Variants in PPARGC1A observed in about 807,000 individuals in gnomAD.
The protein encoded by PPARGC1A is peroxisome proliferator-activated receptor gamma coactivator 1-alpha.
In PPARGC1A, 25 loss-of-function variants were observed where a neutral mutation model predicts 88.7. The ratio of observed to expected loss-of-function variants is 0.28; its 90% confidence interval spans 0.21 to 0.39. The LOEUF (loss-of-function observed/expected upper bound fraction) is 0.39. Among genes scored for constraint, PPARGC1A ranks in the 10% least tolerant of loss-of-function variants. The pLI is 1.00. For missense variants in PPARGC1A, 880 were observed against 968.7 expected, an observed-to-expected ratio of 0.91 and a Z score of 1.22; for synonymous variants, 363 against 355.6, an observed-to-expected ratio of 1.02 and a Z score of -0.24.
the PPARGC1A span, among the ~76,000 whole-genome samples, chr4:24,020,635 G>A: frequency 6.6e-6 from 1 of 152,122 alleles, no homozygotes; most frequent in South Asian, 2.1e-4. Flanking sequence ...GTGAGTAAAA[G>A]GCAGTGATTT....
At chr4:23,814,626 A>C in intron 7 of PPARGC1A, 21 bp from the exon 8 acceptor site, 3 of 1,482,884 alleles carry the variant, frequency 2.0e-6, no homozygotes, top group Non-Finnish European at 1.8e-6. Flanking sequence ...AATTAAAAAA[A>C]AAAAAAAAAA....
the PPARGC1A span, among the ~76,000 whole-genome samples, chr4:24,194,612 ACGCGCG>A: frequency 2.1e-4 from 12 of 56,640 alleles, 1 homozygote; most frequent in South Asian, 5.4e-4. Context: ...GCTGGCACAC[ACGCGCG>A]CGCACGCGCG....
At chr4:23,901,297 G>A (rs527375694), upstream of PPARGC1A, among the ~76,000 whole-genome samples, 1 of 151,694 alleles carries the variant, frequency 6.6e-6, no homozygotes, top group East Asian at 2.0e-4. Flanking sequence ...GTGAACCCGG[G>A]AGGCGGAGCT....
At chr4:24,031,993 C>T in the PPARGC1A span, among the ~76,000 whole-genome samples, 2 of 152,186 alleles carry the variant, frequency 1.3e-5, no homozygotes, top group African/African-American at 4.8e-5. Flanking sequence ...AGGCCTCTTG[C>T]CTCCTGTAAC....
chr4:24,269,605 A>G, the PPARGC1A span, among the ~76,000 whole-genome samples: 1 of 152,152 alleles, frequency 6.6e-6, no homozygotes, highest in Non-Finnish European at 1.5e-5. Context: ...ATAAAAGTAT[A>G]TTACTTAGCA....
the PPARGC1A span, among the ~76,000 whole-genome samples, chr4:24,370,895 T>C: frequency 2.6e-5 from 4 of 151,800 alleles, no homozygotes; most frequent in African/African-American, 9.7e-5. Context: ...AAGCCCCGTA[T>C]GCATTAGTTA....
At chr4:24,114,124 A>AC in the PPARGC1A span, among the ~76,000 whole-genome samples, 1 of 51,088 alleles carries the variant, frequency 2.0e-5, no homozygotes, top group Admixed American at 3.2e-4. Context: ...ACTCCATCAC[A>AC]AAAAAAAAAA....
the PPARGC1A span, among the ~76,000 whole-genome samples, chr4:24,058,071 C>T: frequency 3.9e-5 from 6 of 152,326 alleles, no homozygotes; most frequent in South Asian, 1.2e-3. Flanking sequence ...AGACAGCGAA[C>T]TCTTGTACTT....
At chr4:23,799,264 T>TG (rs1718204979) in intron 12 of PPARGC1A, among the ~76,000 whole-genome samples, 1 of 150,772 alleles carries the variant, frequency 6.6e-6, no homozygotes, top group Non-Finnish European at 1.5e-5. Flanking sequence ...CTAGAGTCGA[T>TG]TCTTCCATTT....
chr4:24,472,663 TGCCGCCGCC>T, the PPARGC1A span, among the ~76,000 whole-genome samples: 22 of 151,606 alleles, frequency 1.5e-4, no homozygotes, highest in Non-Finnish European at 1.3e-4. This position sits in a 1 kb window ranked among gnomAD's most constrained non-coding sequence, Gnocchi z 4.5. Flanking sequence ...ATGCTCGGGC[TGCCGCCGCC>T]GCCGCCGCCG....
intron 10 of PPARGC1A, among the ~76,000 whole-genome samples, chr4:23,802,730 TAC>T (rs1719039811): frequency 7.1e-6 from 1 of 139,968 alleles, no homozygotes; most frequent in Non-Finnish European, 1.6e-5. Flanking sequence ...TTCATAAATG[TAC>T]AATCATGCAT....
intron 5 of PPARGC1A, 78 bp from the exon 6 acceptor site, chr4:23,824,586 TG>T: frequency 8.0e-7 from 1 of 1,256,930 alleles, no homozygotes; most frequent in Non-Finnish European, 1.1e-6. Context: ...ACAGTCAAGT[TG>T]GAAAAACAAC....
At chr4:24,047,922 C>T in the PPARGC1A span, among the ~76,000 whole-genome samples, 2 of 152,180 alleles carry the variant, frequency 1.3e-5, no homozygotes, top group African/African-American at 2.4e-5. Flanking sequence ...TTCTTTCTAA[C>T]TCTTTACACT....
At chr4:23,800,448 T>TA (rs1460021096) in intron 12 of PPARGC1A, among the ~76,000 whole-genome samples, 2 of 152,018 alleles carry the variant, frequency 1.3e-5, no homozygotes, top group South Asian at 4.1e-4. Context: ...TGTTTGGCTA[T>TA]AATGTAATGA....
chr4:23,812,737 G>A lies in PPARGC1A; in HGVS notation c.2019+10C>T. The A allele has an allele frequency of 6.2e-7, 1 of 1,613,814 alleles. No homozygotes were observed. The highest frequency in any genetic ancestry group is 8.5e-7 in the Non-Finnish European group (1 of 1,179,890). Reference sequence around the variant, plus strand: ...TACTTTAAAATAAAAGTGAGCTCCAGGCCACTTACAATTGCCTTCTGCCTC... The same window carrying A: ...TACTTTAAAATAAAAGTGAGCTCCAAGCCACTTACAATTGCCTTCTGCCTC... On this transcript the variant is annotated intron_variant, in intron 10 of 12. Coordinates refer to ENST00000264867, the MANE Select transcript of PPARGC1A (RefSeq NM_013261.5).
At chr4:24,127,769 T>C in the PPARGC1A span, among the ~76,000 whole-genome samples, 2 of 152,004 alleles carry the variant, frequency 1.3e-5, no homozygotes, top group Admixed American at 1.3e-4. Flanking sequence ...CTCACAGATA[T>C]GTGTGGAAGA....
the PPARGC1A span, among the ~76,000 whole-genome samples, chr4:24,135,794 A>G: frequency 1.3e-5 from 2 of 152,180 alleles, no homozygotes; most frequent in Non-Finnish European, 2.9e-5. Flanking sequence ...TGCACACAAC[A>G]TGGTGCAGTT....
chr4:23,993,341 A>G, the PPARGC1A span, among the ~76,000 whole-genome samples: 3 of 152,166 alleles, frequency 2.0e-5, no homozygotes, highest in Non-Finnish European at 4.4e-5. Flanking sequence ...TAATGTATAG[A>G]GAAGATGACA....
chr4:24,436,003 G>C, the PPARGC1A span, among the ~76,000 whole-genome samples: 1 of 152,200 alleles, frequency 6.6e-6, no homozygotes, highest in East Asian at 1.9e-4. Flanking sequence ...AGTAGCATGG[G>C]CTGCTAGGTT....
Sources: allele counts gnomAD v4.1 joint callset (sites outside exome capture counted in the v4.1 genomes callset), GRCh38; gene constraint gnomAD v4.1.1; non-coding constraint Gnocchi (gnomAD v3.1); transcripts MANE v1.5; gene names NCBI Gene and HGNC (gene_info 2026-07-23, HGNC 2026-07-21).